The following ARID1B variants were observed in gnomAD, a reference collection of about 807,000 sequenced individuals.
The protein encoded by ARID1B is AT-rich interactive domain-containing protein 1B.
A neutral mutation model predicts 212.3 loss-of-function variants in ARID1B; 30 were observed. The ratio of observed to expected loss-of-function variants is 0.14; its 90% confidence interval spans 0.11 to 0.19. The LOEUF (loss-of-function observed/expected upper bound fraction) is 0.19, where lower values mean the gene tolerates loss of function less well. ARID1B is among the 10% of genes least tolerant of loss of function. ARID1B has a pLI of 1.00. For synonymous variants in ARID1B, 1,402 were observed against 1,301.7 expected (o/e 1.08, Z -1.66); for missense variants, 2,891 against 3,204.0 (o/e 0.90, Z 2.36).
At chr6:157,066,846 A>G (rs1304152432) in intron 4 of ARID1B, among the ~76,000 whole-genome samples, 1 of 152,182 alleles carries the variant, frequency 6.6e-6, no homozygotes, top group Non-Finnish European at 1.5e-5. Context: ...GATAGAGTAC[A>G]GTTTTTTAAA....
At chr6:157,187,513 G>T (rs552501858) in intron 13 of ARID1B, among the ~76,000 whole-genome samples, 1 of 152,104 alleles carries the variant, frequency 6.6e-6, no homozygotes, top group East Asian at 1.9e-4. Context: ...ACCCTACTTC[G>T]CTCAACCCCG....
chr6:156,893,045 C>CTTTTTT (rs567719662), intron 2 of ARID1B, among the ~76,000 whole-genome samples: 13,831 of 85,232 alleles, frequency 0.16, 1,415 homozygotes, highest in Non-Finnish European at 0.26. Flanking sequence ...TTTTTTCTTC[C>CTTTTTT]TTTTTTTTTT....
intron 4 of ARID1B, among the ~76,000 whole-genome samples, chr6:157,077,538 G>A (rs938665633): frequency 1.8e-4 from 27 of 152,110 alleles, no homozygotes; most frequent in Non-Finnish European, 3.2e-4. Flanking sequence ...TGCCTTTGTG[G>A]ATTGTCCCCT....
At chr6:157,163,343 G>A (rs1791076516) in intron 8 of ARID1B, among the ~76,000 whole-genome samples, 1 of 152,204 alleles carries the variant, frequency 6.6e-6, no homozygotes, top group South Asian at 2.1e-4. Context: ...ACGCTGAGCA[G>A]GAGTGCTGGG....
At chr6:157,199,106 A>G (rs184855583) in intron 17 of ARID1B, among the ~76,000 whole-genome samples, 199 bp downstream of exon 17, 12 of 152,322 alleles carry the variant, frequency 7.9e-5, no homozygotes, top group Admixed American at 7.8e-4. Flanking sequence ...CTCTTGATAC[A>G]CGGTTTCTTG....
Position 157,073,987 on chromosome 6 carries a change from T to A in ARID1B, c.2248-10675T>A, listed in dbSNP as rs368997131. Among the ~76,000 whole-genome samples, 7 of 152,188 alleles carry A rather than the reference T, an allele frequency of 4.6e-5. No homozygotes were observed. In the East Asian group the frequency reaches 1.2e-3, roughly 25 times the overall value. Reference sequence around the variant, plus strand: ...GTGGCTCAGGCCTTTGCCCAAGTCCTCCGAGTGAGTGAAACTGACCAGCAG... The same window carrying A: ...GTGGCTCAGGCCTTTGCCCAAGTCCACCGAGTGAGTGAAACTGACCAGCAG... On this transcript the variant is annotated intron_variant, in intron 4 of 19. Coordinates refer to ENST00000636930, the MANE Select transcript of ARID1B (RefSeq NM_001374828.1).
intron 4 of ARID1B, among the ~76,000 whole-genome samples, chr6:157,061,542 T>C (rs1316731919): frequency 2.6e-5 from 4 of 152,144 alleles, no homozygotes; most frequent in Admixed American, 2.0e-4. Context: ...CTGGTTATTA[T>C]TGCCTTTACC....
chr6:156,783,623 T>TG (rs1192895529), intron 1 of ARID1B, among the ~76,000 whole-genome samples: 1 of 152,238 alleles, frequency 6.6e-6, no homozygotes, highest in Non-Finnish European at 1.5e-5. Flanking sequence ...ACCGAAAAGA[T>TG]GATCATTTCA....
intron 5 of ARID1B, among the ~76,000 whole-genome samples, chr6:157,107,217 A>G (rs1786555073): frequency 6.6e-6 from 1 of 152,226 alleles, no homozygotes. Flanking sequence ...AGGAAAGACT[A>G]AAGTACCTAC....
chr6:157,115,722 C>T lies in ARID1B; in HGVS notation c.2581+5161C>T, dbSNP rs562378574. Among the ~76,000 whole-genome samples the T allele has an allele frequency of 2.6e-5, 4 of 152,308 alleles. No individual in the cohort carries two copies. In the East Asian group the frequency reaches 7.7e-4, roughly 29 times the overall value. On this transcript the variant is annotated intron_variant, in intron 6 of 19. Coordinates refer to ENST00000636930, the MANE Select transcript of ARID1B (RefSeq NM_001374828.1). ...GATTGCAGGTGTGAGCCACCGCACC[C>T]AGCGGAACTTCTTTTTAACTAAATA...
chr6:156,901,048 A>C (rs967634276), intron 2 of ARID1B, among the ~76,000 whole-genome samples: 7 of 152,114 alleles, frequency 4.6e-5, no homozygotes, highest in African/African-American at 1.7e-4. Flanking sequence ...AATGGATTTC[A>C]TATCATGCTT....
chr6:157,039,658 C>CTTCT (rs1562569075), intron 4 of ARID1B, among the ~76,000 whole-genome samples: 1 of 51,326 alleles, frequency 1.9e-5, no homozygotes, highest in African/African-American at 1.5e-4. Context: ...TCCTTCCTTC[C>CTTCT]TTCCTTCCTT....
intron 4 of ARID1B, among the ~76,000 whole-genome samples, chr6:157,074,056 C>A (rs112825342): frequency 7.2e-5 from 11 of 152,222 alleles, no homozygotes; most frequent in African/African-American, 2.6e-4. Flanking sequence ...TCATCCCCAT[C>A]CCCCAAAACA....
chr6:157,191,286 C>A (rs578197393), intron 15 of ARID1B, among the ~76,000 whole-genome samples: 23 of 151,176 alleles, frequency 1.5e-4, no homozygotes, highest in African/African-American at 5.6e-4. Context: ...GTGGAGTGAA[C>A]GCGGGCCCTG....
rs1200411551 is a variant in ARID1B at position 157,201,874 on chromosome 6, A to G, written c.5263+386A>G. ...AGATCAGGGAATCCTGAGTGGTTAT[A>G]TGCTGTATTTTGGGCTTAAAGATTT... On this transcript the variant is annotated intron_variant, in intron 18 of 19. Transcript: ENST00000636930. This position sits in a 1 kb window ranked among gnomAD's most constrained non-coding sequence, Gnocchi z 5.2. Among the ~76,000 whole-genome samples, 1 of 152,220 alleles carries G rather than the reference A, an allele frequency of 6.6e-6. No individual in the cohort carries two copies. The highest frequency in any genetic ancestry group is 2.4e-5 in the African/African-American group (1 of 41,458).
chr6:156,985,642 C>T (rs1194836528), intron 4 of ARID1B: 1 of 152,156 alleles, frequency 6.6e-6, no homozygotes, highest in Non-Finnish European at 1.5e-5. Context: ...TTTTTATAAA[C>T]AACTACTGTG....
chr6:157,096,604 G>A (rs1194570212), intron 5 of ARID1B, among the ~76,000 whole-genome samples: 2 of 152,232 alleles, frequency 1.3e-5, no homozygotes, highest in African/African-American at 2.4e-5. Flanking sequence ...TCTGTGGCCT[G>A]CACAGCCCTC....
rs1282168193 is a variant in ARID1B at position 156,778,751 on chromosome 6, CG to C, written c.1075del (p.Ala359ProfsTer93). ...TGCACTCCGCCTCCGCCGCCGCCGC[CG>C]GGGCCCCCGGCAGCATGGACCCCCT... Reference protein sequence around the residue: ...MMHSASAAAAGAPGSMDPLQN... With the variant: ...MMHSASAAAAXAPGSMDPLQN... On this transcript the variant is annotated frameshift_variant, in exon 1 of 20. Coordinates refer to ENST00000636930, the MANE Select transcript of ARID1B (RefSeq NM_001374828.1). LOFTEE classifies it high-confidence loss of function. The C allele has an allele frequency of 1.2e-5, 18 of 1,524,202 alleles. No individual in the cohort carries two copies. The East Asian group carries it at 1.3e-4, about 11-fold the overall frequency. The allele number at this position is 1,524,202 out of a possible 1,614,324, so 94.4% of individuals were successfully genotyped here.
intron 7 of ARID1B, among the ~76,000 whole-genome samples, chr6:157,144,400 T>TTACCAA (rs1789578373): frequency 6.6e-6 from 1 of 152,342 alleles, no homozygotes; most frequent in East Asian, 1.9e-4. Flanking sequence ...AAAAGGTTTC[T>TTACCAA]TACCAACTGA....
Sources: gnomAD v4.1 joint callset for allele counts (sites outside exome capture counted in the v4.1 genomes callset) on GRCh38, gnomAD v4.1.1 for gene constraint, Gnocchi (gnomAD v3.1) non-coding constraint, MANE v1.5 for transcripts, NCBI Gene and HGNC (gene_info 2026-07-23, HGNC 2026-07-21) for gene names.